The following GRHL3 variants were observed in gnomAD, a reference collection of about 807,000 sequenced individuals.
The protein encoded by GRHL3 is grainyhead-like protein 3 homolog.
A neutral mutation model predicts 70.3 loss-of-function variants in GRHL3; 20 were observed. The ratio of observed to expected loss-of-function variants is 0.28; its 90% CI spans 0.20 to 0.41. The LOEUF is 0.41. GRHL3 is among the 10% of genes least tolerant of loss of function. The probability of loss-of-function intolerance (pLI) is 1.00; values close to 1 mark genes in which losing one functional copy is unlikely to be tolerated. For synonymous variants in GRHL3, 299 were observed against 299.9 expected (o/e 1.00, Z 0.03); for missense variants, 637 against 762.3 (o/e 0.84, Z 1.94).
Position 24,334,281 on chromosome 1 carries a change from C to T in GRHL3, c.205-364C>T, listed in dbSNP as rs550108396. ...TTAATTGACTCACAGTTCAGCATGG[C>T]CAGGGAGGCGTCAGGAAACTTAAAT... On this transcript the variant is annotated intron_variant, in intron 2 of 15. Coordinates refer to ENST00000361548, the MANE Select transcript of GRHL3 (RefSeq NM_198173.3). This position sits in a 1 kb window ranked among gnomAD's most constrained non-coding sequence, Gnocchi z 4.3. 6.6e-6 allele frequency among the ~76,000 whole-genome samples: 1 copy of T among 152,106 alleles called. No homozygotes were observed. Among genetic ancestry groups the T allele is most frequent in the Non-Finnish European group, 1.5e-5 (1 of 68,028 alleles).
At chr1:24,357,860 A>C (rs752146005), downstream of GRHL3, 115 of 303,860 alleles carry the variant, frequency 3.8e-4, no homozygotes, top group Admixed American at 5.8e-4. Flanking sequence ...GCCAGCAGAG[A>C]AAGTCAGGGA....
intron 8 of GRHL3, among the ~76,000 whole-genome samples, chr1:24,341,305 C>A (rs1312167790): frequency 6.6e-6 from 1 of 152,174 alleles, no homozygotes; most frequent in East Asian, 1.9e-4. Flanking sequence ...CACCCCACAG[C>A]CACACAAGAT....
chr1:24,351,236 G>A (rs1569924448), intron 15 of GRHL3, among the ~76,000 whole-genome samples: 1 of 152,150 alleles, frequency 6.6e-6, no homozygotes, highest in Non-Finnish European at 1.5e-5. Flanking sequence ...TTTGCAAAGC[G>A]AGGCAAGTTT....
At chr1:24,346,531 T>C in intron 12 of GRHL3, 22 bp from the exon 13 acceptor site, 2 of 1,577,770 alleles carry the variant, frequency 1.3e-6, no homozygotes, top group Non-Finnish European at 8.7e-7. Flanking sequence ...TCTCACAAGC[T>C]CCCCCACTGC....
At chr1:24,348,077 A>G (rs1276434177) in intron 14 of GRHL3, among the ~76,000 whole-genome samples, 1 of 152,202 alleles carries the variant, frequency 6.6e-6, no homozygotes, top group East Asian at 1.9e-4. Flanking sequence ...TTGTGGCTCC[A>G]CCAAAAACTA....
chr1:24,345,830 G>A (rs986128185), intron 12 of GRHL3, among the ~76,000 whole-genome samples: 6 of 152,196 alleles, frequency 3.9e-5, no homozygotes, highest in African/African-American at 7.2e-5. Flanking sequence ...TGAGGAGGGC[G>A]GTGTGGATAT....
At chr1:24,364,410 G>A (rs1641322577) in exon 16 of GRHL3, 2 of 1,500,538 alleles carry the variant, frequency 1.3e-6, no homozygotes, top group Non-Finnish European at 1.8e-6. Context: ...ACGACGGCAG[G>A]TCACATCTGA....
At chr1:24,323,099 C>A in intron 1 of GRHL3, 1 of 1,540,750 alleles carries the variant, frequency 6.5e-7, no homozygotes, top group Non-Finnish European at 8.8e-7. Flanking sequence ...TGGATGAATT[C>A]CATTCTTCCT....
At chr1:24,360,712 G>T in intron 15 of GRHL3, 1 of 754,298 alleles carries the variant, frequency 1.3e-6, no homozygotes, top group Non-Finnish European at 2.1e-6. Flanking sequence ...AATGTGAACT[G>T]ATAATGCTTC....
intron 3 of GRHL3, among the ~76,000 whole-genome samples, chr1:24,335,732 G>A (rs1011152647): frequency 5.9e-5 from 9 of 151,928 alleles, no homozygotes; most frequent in African/African-American, 1.7e-4. Flanking sequence ...ACAGGCTCCC[G>A]CCACCTCGCC....
intron 1 of GRHL3, among the ~76,000 whole-genome samples, chr1:24,329,014 A>G (rs1639496464): frequency 6.6e-6 from 1 of 151,968 alleles, no homozygotes; most frequent in Non-Finnish European, 1.5e-5. Flanking sequence ...TGCTCAGTAA[A>G]TTCTTCTAAA....
At chr1:24,336,873 A>G in intron 4 of GRHL3, 46 bp downstream of exon 4, 1 of 1,428,692 alleles carries the variant, frequency 7.0e-7, no homozygotes, top group Non-Finnish European at 9.7e-7. Context: ...ATGTGTGTGC[A>G]TATACAGAAT....
intron 15 of GRHL3, among the ~76,000 whole-genome samples, chr1:24,361,337 G>T (rs1641102856): frequency 6.6e-6 from 1 of 152,188 alleles, no homozygotes; most frequent in Admixed American, 6.5e-5. Flanking sequence ...TGAGAGCTCA[G>T]TGTGCATTGC....
At chr1:24,350,675 G>A (rs1253737027) in intron 15 of GRHL3, among the ~76,000 whole-genome samples, 2 of 152,230 alleles carry the variant, frequency 1.3e-5, no homozygotes, top group Non-Finnish European at 2.9e-5. Context: ...TAGGCAGGAA[G>A]GGAGTGGCTG....
chr1:24,363,682 A>G (rs1046673239), intron 15 of GRHL3, among the ~76,000 whole-genome samples: 1 of 152,230 alleles, frequency 6.6e-6, no homozygotes, highest in Admixed American at 6.5e-5. Context: ...AGGTTAAAAT[A>G]AAAAACTGCA....
chr1:24,351,255 A>G (rs1640492354), intron 15 of GRHL3, among the ~76,000 whole-genome samples: 2 of 152,110 alleles, frequency 1.3e-5, no homozygotes, highest in Admixed American at 6.5e-5. Context: ...TTTGTACTCA[A>G]GCTGAATCCC....
At chr1:24,344,779 G>A (rs1640178716) in intron 11 of GRHL3, 118 bp from the exon 12 acceptor site, 2 of 1,090,180 alleles carry the variant, frequency 1.8e-6, no homozygotes, top group Non-Finnish European at 2.8e-6. Context: ...GAAAGGCATT[G>A]TAACAGTATT....
At chr1:24,341,938 T>G (rs1640058190) in intron 8 of GRHL3, among the ~76,000 whole-genome samples, 177 bp from the exon 9 acceptor site, 1 of 152,238 alleles carries the variant, frequency 6.6e-6, no homozygotes. Context: ...CCCACCTCTC[T>G]GAGCATTGGC....
chr1:24,331,066 T>C (rs552223930), intron 1 of GRHL3, among the ~76,000 whole-genome samples: 1 of 152,354 alleles, frequency 6.6e-6, no homozygotes, highest in Non-Finnish European at 1.5e-5. Flanking sequence ...TCGTATCACA[T>C]TGCAGCTTAT....
Sources: gnomAD v4.1 joint callset for allele counts (sites outside exome capture counted in the v4.1 genomes callset) on GRCh38, gnomAD v4.1.1 for gene constraint, Gnocchi (gnomAD v3.1) non-coding constraint, MANE v1.5 for transcripts, NCBI Gene and HGNC (gene_info 2026-07-23, HGNC 2026-07-21) for gene names.